Variants in LARGE1 observed in about 807,000 individuals in gnomAD.
The protein encoded by LARGE1 is xylosyl- and glucuronyltransferase LARGE1.
In LARGE1, 43 loss-of-function variants were observed where a neutral mutation model predicts 87.6. The ratio of observed to expected loss-of-function variants is 0.49; its 90% confidence interval spans 0.38 to 0.63. LARGE1 has a LOEUF of 0.63. LARGE1 is among the 30% of genes least tolerant of loss of function. The probability of loss-of-function intolerance (pLI) is 0.00; values close to 1 mark genes in which losing one functional copy is unlikely to be tolerated. For synonymous variants in LARGE1, 434 were observed against 394.6 expected, an observed-to-expected ratio of 1.10 and a Z score of -1.18; for missense variants, 802 against 1,000.2, an observed-to-expected ratio of 0.80 and a Z score of 2.67.
the LARGE1 span, among the ~76,000 whole-genome samples, chr22:33,071,298 TA>T: frequency 6.6e-6 from 1 of 152,220 alleles, no homozygotes; most frequent in Non-Finnish European, 1.5e-5. Context: ...GGGTTGCCTT[TA>T]AGAAATACAG....
At chr22:33,446,256 G>A (rs1245761853) in intron 6 of LARGE1, among the ~76,000 whole-genome samples, 1 of 152,202 alleles carries the variant, frequency 6.6e-6, no homozygotes, top group Admixed American at 6.5e-5. Context: ...TGCCCCCATA[G>A]CTCACATCTC....
intron 11 of LARGE1, among the ~76,000 whole-genome samples, chr22:33,198,676 C>CACACACACATAT (rs60375534): frequency 0.01 from 1,547 of 148,552 alleles, 14 homozygotes; most frequent in Middle Eastern, 0.039. Flanking sequence ...CACACACACA[C>CACACACACATAT]GTATCTAAAA....
intron 2 of LARGE1, among the ~76,000 whole-genome samples, chr22:33,736,758 A>G (rs948325968): frequency 2.0e-4 from 30 of 152,232 alleles, no homozygotes; most frequent in Admixed American, 2.0e-3. Flanking sequence ...AGAATCTCAC[A>G]GCTTTAGCTC....
chr22:33,439,953 A>G (rs2067409309), intron 6 of LARGE1, among the ~76,000 whole-genome samples: 1 of 152,118 alleles, frequency 6.6e-6, no homozygotes, highest in Non-Finnish European at 1.5e-5. Context: ...GATTTTATCT[A>G]TGGAGTGTTT....
intron 10 of LARGE1, among the ~76,000 whole-genome samples, chr22:33,327,979 AGATGTACT>A (rs71726967): frequency 0.23 from 35,654 of 151,884 alleles, 5,081 homozygotes; most frequent in East Asian, 0.63. Context: ...TCTTTAATGA[AGATGTACT>A]GATGAATAAA....
chr22:33,428,958 AAAAG>A (rs1407873724), intron 7 of LARGE1, among the ~76,000 whole-genome samples: 104 of 57,866 alleles, frequency 1.8e-3, no homozygotes, highest in Middle Eastern at 6.5e-3. Flanking sequence ...AAAAAAAAAA[AAAAG>A]GAGAGAACTG....
At chr22:33,531,250 T>G (rs2072184061) in intron 6 of LARGE1, among the ~76,000 whole-genome samples, 1 of 152,120 alleles carries the variant, frequency 6.6e-6, no homozygotes, top group Non-Finnish European at 1.5e-5. Context: ...CTCCTCCTCC[T>G]GGGTTCAAGT....
rs144774474 is a variant in LARGE1, at chr22:33,649,784, T to C, written c.408+583A>G. ...CACATAGAAGCGTGGATGCAGGTAT[T>C]TGAGGAAATAGAGGACAATAAATAT... On this transcript the variant is annotated intron_variant, in intron 3 of 14. Coordinates refer to ENST00000397394, the MANE Select transcript of LARGE1 (RefSeq NM_133642.5). 3.0e-3 allele frequency among the ~76,000 whole-genome samples: 457 copies of C among 152,340 alleles called. 2 individuals are homozygous for C. The highest frequency in any genetic ancestry group is 0.011 in the African/African-American group (438 of 41,574).
At chr22:33,721,433 A>G (rs943887487) in intron 2 of LARGE1, among the ~76,000 whole-genome samples, 2 of 152,232 alleles carry the variant, frequency 1.3e-5, no homozygotes, top group African/African-American at 4.8e-5. Context: ...ATAACCACAG[A>G]GGACTATTAT....
intron 2 of LARGE1, among the ~76,000 whole-genome samples, chr22:33,714,733 C>T (rs1034873272): frequency 6.6e-6 from 1 of 152,190 alleles, no homozygotes; most frequent in Non-Finnish European, 1.5e-5. Flanking sequence ...CAGGTACTTG[C>T]GTGAAAGAAC....
chr22:33,299,653 C>A lies in LARGE1; in HGVS notation c.1730+4576G>T, dbSNP rs185925692. ...CAGAAAATGAACTCCTGCTGGGCAC[C>A]CGCCATAGCCCCACAGGAGGCTATC... On this transcript the variant is annotated intron_variant, in intron 12 of 14. Coordinates refer to ENST00000397394, the MANE Select transcript of LARGE1 (RefSeq NM_133642.5). 5.6e-4 allele frequency among the ~76,000 whole-genome samples: 86 copies of A among 152,264 alleles called. 1 individual carries two copies. The East Asian group carries it at 0.014, about 25-fold the overall frequency.
At chr22:33,103,746 G>T in the LARGE1 span, among the ~76,000 whole-genome samples, 2 of 152,140 alleles carry the variant, frequency 1.3e-5, no homozygotes, top group Admixed American at 6.6e-5. Context: ...TATATGGTTT[G>T]GCTGTGTCCC....
chr22:33,120,045 A>C, the LARGE1 span, among the ~76,000 whole-genome samples: 1 of 151,990 alleles, frequency 6.6e-6, no homozygotes, highest in Non-Finnish European at 1.5e-5. Context: ...TCATATGGCC[A>C]CATGAGCATG....
At chr22:33,471,139 T>C (rs556446947) in intron 6 of LARGE1, among the ~76,000 whole-genome samples, 4 of 151,492 alleles carry the variant, frequency 2.6e-5, no homozygotes, top group Non-Finnish European at 5.9e-5. Flanking sequence ...GCAATTCTCA[T>C]GCCTCAGCCT....
At chr22:33,841,503 G>T (rs1051685050) in intron 1 of LARGE1, among the ~76,000 whole-genome samples, 11 of 152,160 alleles carry the variant, frequency 7.2e-5, no homozygotes, top group Non-Finnish European at 1.2e-4. Context: ...CTACTAGGTT[G>T]GATGTAGCTA....
At position 33,799,802 on chromosome 22, in the gene LARGE1, A is replaced by C. The variant is rs73170596; in HGVS notation, c.-82-38244T>G. Among the ~76,000 whole-genome samples, 491 of 152,326 alleles carry C rather than the reference A, an allele frequency of 3.2e-3. 2 individuals carry two copies. In the Middle Eastern group the frequency reaches 0.037, roughly 12 times the overall value. On this transcript the variant is annotated intron_variant, in intron 1 of 14. Transcript: ENST00000397394. ...GAGAGTTTGGTAATATGGAGGAAGA[A>C]GACTTTGTGTATTGGTATGGGGACA...
At chr22:33,119,635 C>T in the LARGE1 span, among the ~76,000 whole-genome samples, 1 of 152,174 alleles carries the variant, frequency 6.6e-6, no homozygotes, top group South Asian at 2.1e-4. Context: ...ATTCCTGTCC[C>T]AAATGTGAAG....
At chr22:33,145,268 C>T in the LARGE1 span, among the ~76,000 whole-genome samples, 1 of 152,122 alleles carries the variant, frequency 6.6e-6, no homozygotes, top group Admixed American at 6.5e-5. Context: ...TATGCCCACC[C>T]CTACCACCAT....
intron 5 of LARGE1, among the ~76,000 whole-genome samples, chr22:33,566,021 G>C (rs1310312584): frequency 6.6e-6 from 1 of 152,112 alleles, no homozygotes; most frequent in Non-Finnish European, 1.5e-5. Context: ...ACTTTTAATA[G>C]AACCCTTTAA....
Sources: allele counts gnomAD v4.1 joint callset (sites outside exome capture counted in the v4.1 genomes callset), GRCh38; gene constraint gnomAD v4.1.1; transcripts MANE v1.5; gene names NCBI Gene and HGNC (gene_info 2026-07-23, HGNC 2026-07-21).